Variants in CNTN1 observed in about 807,000 individuals in gnomAD.
CNTN1 encodes contactin-1.
CNTN1 carries 38 observed loss-of-function variants against 126.4 expected under a neutral mutation model. That is an observed-to-expected ratio of 0.30 (90% CI 0.23 to 0.39). CNTN1 has a LOEUF of 0.39. Among genes scored for constraint, CNTN1 ranks in the 10% least tolerant of loss-of-function variants. The pLI is 1.00. For missense variants in CNTN1, 1,009 were observed against 1,248.4 expected, an observed-to-expected ratio of 0.81 and a Z score of 2.89; for synonymous variants, 413 against 422.6, an observed-to-expected ratio of 0.98 and a Z score of 0.28.
At chr12:40,990,040 T>A (rs1159668563) in intron 16 of CNTN1, among the ~76,000 whole-genome samples, 2 of 152,064 alleles carry the variant, frequency 1.3e-5, no homozygotes, top group African/African-American at 2.4e-5. Context: ...CACTTTTAAT[T>A]CTTGGTACAT....
intron 1 of CNTN1, chr12:40,895,917 C>T (rs1262238610): frequency 7.4e-6 from 1 of 135,582 alleles, no homozygotes; most frequent in Non-Finnish European, 1.5e-5. Context: ...GCCACCATGC[C>T]CAGCTAATTT....
At chr12:40,981,952 ATACTC>A (rs1262443513) in intron 16 of CNTN1, among the ~76,000 whole-genome samples, 2 of 151,522 alleles carry the variant, frequency 1.3e-5, no homozygotes, top group Non-Finnish European at 2.9e-5. Context: ...AAAAAAAAAA[ATACTC>A]TAATCTCCCA....
chr12:40,868,661 C>A (rs1335228669), intron 1 of CNTN1, among the ~76,000 whole-genome samples: 2 of 152,120 alleles, frequency 1.3e-5, no homozygotes, highest in Non-Finnish European at 2.9e-5. Flanking sequence ...TCTGCACCTG[C>A]TCCCTCTGGG....
chr12:41,018,435 T>C (rs1465835996), intron 19 of CNTN1, among the ~76,000 whole-genome samples: 1 of 152,106 alleles, frequency 6.6e-6, no homozygotes, highest in Admixed American at 6.6e-5. Context: ...AGTTTTAGTA[T>C]TTGTTAAAAA....
intron 23 of CNTN1, among the ~76,000 whole-genome samples, chr12:41,031,621 G>A (rs1949147152): frequency 6.6e-6 from 1 of 152,050 alleles, no homozygotes; most frequent in Non-Finnish European, 1.5e-5. Flanking sequence ...TGATATTTCA[G>A]TATATATAGC....
chr12:40,883,746 T>G (rs1036428991), intron 1 of CNTN1, among the ~76,000 whole-genome samples: 11 of 151,644 alleles, frequency 7.3e-5, no homozygotes, highest in Non-Finnish European at 1.2e-4. Context: ...GTTACAGGCT[T>G]ATTTAAAACT....
At chr12:40,981,172 G>T in intron 16 of CNTN1, 105 bp downstream of exon 16, 1 of 1,104,294 alleles carries the variant, frequency 9.1e-7, no homozygotes, top group South Asian at 1.4e-5. Context: ...TACCTTGAAA[G>T]GCTTTCTTTC....
intron 1 of CNTN1, among the ~76,000 whole-genome samples, chr12:40,903,388 C>CTTTTTTTT (rs112301816): frequency 7.6e-6 from 1 of 130,840 alleles, no homozygotes; most frequent in African/African-American, 2.8e-5. Flanking sequence ...GTCAGAGTTG[C>CTTTTTTTT]TTTTTTTTTT....
chr12:40,765,316 G>A (rs918033916), intron 1 of CNTN1, among the ~76,000 whole-genome samples: 1 of 152,150 alleles, frequency 6.6e-6, no homozygotes, highest in Non-Finnish European at 1.5e-5. Context: ...GCGAAGTTTA[G>A]ATGTCATTTG....
chr12:41,053,428 AATATATATATATATATATATAT>A lies in CNTN1; in HGVS notation c.2981-16512_2981-16491del, dbSNP rs66808071. Reference sequence around the variant, plus strand: ...TTTTGTCTCTTTCATGTTTTCACTAAATATATATATATATATATATATATATATATATATATATATTTGCCAA... The same window carrying A: ...TTTTGTCTCTTTCATGTTTTCACTAAATATATATATATATATATTTGCCAA... On this transcript the variant is annotated intron_variant, in intron 23 of 23. Transcript: ENST00000551295. 2.3e-4 allele frequency among the ~76,000 whole-genome samples: 15 copies of A among 64,110 alleles called. 2 individuals are homozygous for A. Among genetic ancestry groups the A allele is most frequent in the East Asian group, 1.3e-3 (3 of 2,244 alleles). The allele number at this position is 64,110 out of a possible 152,430, so 42.1% of individuals were successfully genotyped here. A position where few individuals can be genotyped will look rare whatever the true frequency, so the allele number is the denominator to read the frequency against.
At chr12:40,834,650 A>G (rs1382117759) in intron 1 of CNTN1, among the ~76,000 whole-genome samples, 2 of 152,212 alleles carry the variant, frequency 1.3e-5, no homozygotes, top group Non-Finnish European at 2.9e-5. Flanking sequence ...CAGTAATAAA[A>G]GAAATAGATC....
chr12:40,765,875 C>T (rs1415854456), intron 1 of CNTN1, among the ~76,000 whole-genome samples: 1 of 152,150 alleles, frequency 6.6e-6, no homozygotes, highest in African/African-American at 2.4e-5. Flanking sequence ...TGATGGAGCT[C>T]ATAGTGTTGG....
At chr12:40,983,404 G>A (rs1308882802) in intron 16 of CNTN1, among the ~76,000 whole-genome samples, 3 of 151,604 alleles carry the variant, frequency 2.0e-5, no homozygotes, top group Non-Finnish European at 1.5e-5. Flanking sequence ...CTTGTTCACT[G>A]CTTTCTTTTG....
rs553310213 is a variant in CNTN1 at position 41,008,811 on chromosome 12, A to G, written c.2114-5417A>G. 6.6e-5 allele frequency among the ~76,000 whole-genome samples: 10 copies of G among 152,308 alleles called. No individual in the cohort carries two copies. In the South Asian group the frequency reaches 2.1e-3, roughly 32 times the overall value. ...TTAGGACAAGTATTTCTCATACAAG[A>G]TCCCTTCTTATATAAAATCTCTTTC... On this transcript the variant is annotated intron_variant, in intron 17 of 23. Transcript: ENST00000551295.
At chr12:40,974,785 T>C (rs541111344) in intron 15 of CNTN1, among the ~76,000 whole-genome samples, 11 of 152,206 alleles carry the variant, frequency 7.2e-5, no homozygotes, top group African/African-American at 2.2e-4. Flanking sequence ...ACTTACATCA[T>C]AGGGTTATTG....
At chr12:41,000,173 C>A (rs1948321554) in intron 17 of CNTN1, among the ~76,000 whole-genome samples, 1 of 151,912 alleles carries the variant, frequency 6.6e-6, no homozygotes, top group Non-Finnish European at 1.5e-5. Flanking sequence ...TAGGTCTGTT[C>A]CAAATAAAAA....
chr12:40,907,649 G>A (rs892176468), intron 1 of CNTN1, among the ~76,000 whole-genome samples: 2 of 152,104 alleles, frequency 1.3e-5, no homozygotes, highest in Admixed American at 6.5e-5. Flanking sequence ...TTTTCTTCTT[G>A]TCCTGAAAGA....
At chr12:40,875,421 T>A (rs1392801454) in intron 1 of CNTN1, among the ~76,000 whole-genome samples, 1 of 152,054 alleles carries the variant, frequency 6.6e-6, no homozygotes, top group East Asian at 1.9e-4. Context: ...CATCCCCTCC[T>A]TAACCCCTCA....
At chr12:40,717,077 A>AT (rs11344560) in intron 1 of CNTN1, among the ~76,000 whole-genome samples, 2 of 151,722 alleles carry the variant, frequency 1.3e-5, no homozygotes, top group African/African-American at 4.8e-5. Flanking sequence ...CAAAAGTGTT[A>AT]TTTTTTTTCT....
Sources: allele counts gnomAD v4.1 joint callset (sites outside exome capture counted in the v4.1 genomes callset), GRCh38; gene constraint gnomAD v4.1.1; transcripts MANE v1.5; gene names NCBI Gene and HGNC (gene_info 2026-07-23, HGNC 2026-07-21).